The following KLHL18 variants were observed in gnomAD, a reference collection of about 807,000 sequenced individuals.
KLHL18 encodes kelch-like protein 18.
Under a neutral mutation model 58.5 loss-of-function variants are expected in KLHL18, and 38 were observed. The observed-to-expected ratio is 0.65, with a 90% CI of 0.50 to 0.85. The LOEUF is 0.85. Ranked by LOEUF, KLHL18 falls within the 40% of genes least tolerant of loss-of-function variation. The pLI is 0.00. For synonymous variants in KLHL18, 303 were observed against 301.9 expected, an observed-to-expected ratio of 1.00 and a Z score of -0.04; for missense variants, 624 against 778.4, an observed-to-expected ratio of 0.80 and a Z score of 2.36.
intron 7 of KLHL18, chr3:47,337,326 T>A (rs909287529): frequency 1.2e-5 from 2 of 161,226 alleles, no homozygotes; most frequent in African/African-American, 4.8e-5. Flanking sequence ...CAAGTTGATA[T>A]GTCACTCAGT....
chr3:47,323,074 C>G (rs578223771), intron 3 of KLHL18, among the ~76,000 whole-genome samples: 1 of 152,002 alleles, frequency 6.6e-6, no homozygotes, highest in East Asian at 1.9e-4. Flanking sequence ...GTACTTTGCT[C>G]TCTGAATTTC....
chr3:47,319,881 T>C, intron 2 of KLHL18, 98 bp downstream of exon 2: 3 of 1,265,530 alleles, frequency 2.4e-6, no homozygotes, highest in Non-Finnish European at 3.4e-6. Context: ...ACACAGTGTC[T>C]AATAGCCTAG....
intron 8 of KLHL18, among the ~76,000 whole-genome samples, chr3:47,342,157 G>T (rs1301814082): frequency 6.6e-6 from 1 of 152,194 alleles, no homozygotes; most frequent in Non-Finnish European, 1.5e-5. Context: ...AGGAGCCACT[G>T]GACGGACATG....
chr3:47,321,427 A>G (rs868437680), intron 2 of KLHL18, among the ~76,000 whole-genome samples: 1 of 151,966 alleles, frequency 6.6e-6, no homozygotes, highest in African/African-American at 2.4e-5. Flanking sequence ...GTTCACTGCA[A>G]CAACCTCCGC....
chr3:47,301,851 A>G (rs1703032602), intron 1 of KLHL18, among the ~76,000 whole-genome samples: 1 of 152,118 alleles, frequency 6.6e-6, no homozygotes, highest in Non-Finnish European at 1.5e-5. Context: ...GCTGGAGTGC[A>G]GTGGCATGAT....
intron 1 of KLHL18, among the ~76,000 whole-genome samples, chr3:47,317,707 A>G (rs901173291): frequency 5.3e-5 from 8 of 152,176 alleles, no homozygotes; most frequent in Non-Finnish European, 1.2e-4. Flanking sequence ...ACTTAATGCA[A>G]CTCTTCATAT....
intron 8 of KLHL18, 26 bp from the exon 9 acceptor site, chr3:47,342,693 C>T: frequency 6.3e-7 from 1 of 1,587,732 alleles, no homozygotes; most frequent in Non-Finnish European, 8.6e-7. Context: ...TCATGCTTCC[C>T]CTCCTATTTT....
chr3:47,315,648 T>A (rs1703402829), intron 1 of KLHL18, among the ~76,000 whole-genome samples: 1 of 152,182 alleles, frequency 6.6e-6, no homozygotes, highest in Admixed American at 6.5e-5. Context: ...TCTTGCCTGA[T>A]CACCCTAATG....
chr3:47,326,163 G>T (rs1445781467), intron 3 of KLHL18, among the ~76,000 whole-genome samples: 1 of 152,040 alleles, frequency 6.6e-6, no homozygotes. Context: ...GGCCAGGCTG[G>T]TCTTGATCTC....
At chr3:47,307,353 G>A (rs1409858340) in intron 1 of KLHL18, among the ~76,000 whole-genome samples, 2 of 152,124 alleles carry the variant, frequency 1.3e-5, no homozygotes, top group Admixed American at 6.6e-5. Context: ...GATTACAGGC[G>A]TGAGCCACCA....
Position 47,334,873 on chromosome 3 carries a change from A to C in KLHL18, c.898+54A>C. On this transcript the variant is annotated intron_variant, in intron 6 of 9. Coordinates refer to ENST00000232766, the MANE Select transcript of KLHL18 (RefSeq NM_025010.5). This position sits in a 1 kb window ranked among gnomAD's most constrained non-coding sequence, Gnocchi z 4.7. ...TCCTCTTGGACTCCATGGATGAGGAAGCACCAGACAAATTAGCCTGGCCCT... is the reference window on the plus strand; with the variant it reads ...TCCTCTTGGACTCCATGGATGAGGACGCACCAGACAAATTAGCCTGGCCCT... 6.5e-7 allele frequency: 1 copy of C among 1,540,036 alleles called. No individual in the cohort carries two copies. The highest frequency in any genetic ancestry group is 8.8e-7 in the Non-Finnish European group (1 of 1,134,656).
chr3:47,332,962 TA>T (rs1703898909), intron 4 of KLHL18, among the ~76,000 whole-genome samples, 194 bp from the exon 5 acceptor site: 1 of 152,152 alleles, frequency 6.6e-6, no homozygotes, highest in African/African-American at 2.4e-5. Context: ...ATCATAATCA[TA>T]ATGAAATTCA....
intron 1 of KLHL18, among the ~76,000 whole-genome samples, chr3:47,308,938 C>T (rs1362509469): frequency 6.6e-6 from 1 of 152,110 alleles, no homozygotes; most frequent in Non-Finnish European, 1.5e-5. Context: ...TGTTTGTATC[C>T]CTGGGTACTT....
At chr3:47,321,436 G>A (rs1160663733) in intron 2 of KLHL18, among the ~76,000 whole-genome samples, 2 of 150,090 alleles carry the variant, frequency 1.3e-5, no homozygotes, top group Non-Finnish European at 3.0e-5. Flanking sequence ...AACAACCTCC[G>A]CCTCTTGGAT....
intron 3 of KLHL18, among the ~76,000 whole-genome samples, chr3:47,326,439 TG>T (rs1263694586): frequency 6.6e-6 from 1 of 152,236 alleles, no homozygotes; most frequent in Non-Finnish European, 1.5e-5. Context: ...ATGTGGCTAA[TG>T]AAAGACGTGG....
chr3:47,285,089 A>G (rs752665441), intron 1 of KLHL18, among the ~76,000 whole-genome samples: 1 of 152,214 alleles, frequency 6.6e-6, no homozygotes, highest in South Asian at 2.1e-4. Flanking sequence ...CTGGGATTAC[A>G]GGCGTGAGCC....
intron 1 of KLHL18, among the ~76,000 whole-genome samples, chr3:47,300,341 GTA>G (rs1338859713): frequency 1.0e-4 from 15 of 146,038 alleles, no homozygotes; most frequent in Non-Finnish European, 3.0e-5. Flanking sequence ...ATATACGTGT[GTA>G]TGTGTATATA....
intron 1 of KLHL18, among the ~76,000 whole-genome samples, chr3:47,316,373 A>G (rs144552915): frequency 0.018 from 2,687 of 151,542 alleles, 35 homozygotes; most frequent in Middle Eastern, 0.034. Flanking sequence ...CTGTAATCCC[A>G]GCTCTTTGAG....
chr3:47,327,590 C>G (rs1703755392), intron 3 of KLHL18, among the ~76,000 whole-genome samples: 1 of 152,238 alleles, frequency 6.6e-6, no homozygotes, highest in South Asian at 2.1e-4. Context: ...AGGCATTTGA[C>G]AGATGACTGA....
Sources: allele counts gnomAD v4.1 joint callset (sites outside exome capture counted in the v4.1 genomes callset), GRCh38; gene constraint gnomAD v4.1.1; non-coding constraint Gnocchi (gnomAD v3.1); transcripts MANE v1.5; gene names NCBI Gene and HGNC (gene_info 2026-07-23, HGNC 2026-07-21).